GRAMD2B: variants seen among roughly 807,000 people sequenced by gnomAD.
The protein encoded by GRAMD2B is GRAM domain-containing protein 2B.
Under a neutral mutation model 59.2 loss-of-function variants are expected in GRAMD2B, and 41 were observed. The ratio of observed to expected loss-of-function variants is 0.69; its 90% CI spans 0.54 to 0.90. The LOEUF is 0.90. Ranked by LOEUF, GRAMD2B falls within the 40% of genes least tolerant of loss-of-function variation. The pLI, the probability that GRAMD2B is intolerant of heterozygous loss-of-function variation, is 0.00. For missense variants in GRAMD2B, 424 were observed against 500.5 expected (o/e 0.85, Z 1.46); for synonymous variants, 161 against 182.7 (o/e 0.88, Z 0.96).
At position 126,492,979 on chromosome 5, in the gene GRAMD2B, C is replaced by T. The variant is rs202073713; in HGVS notation, c.*23C>T. The T allele has an allele frequency of 9.4e-5, 150 of 1,600,720 alleles. No homozygotes were observed. The highest frequency in any genetic ancestry group is 1.7e-4 in the Middle Eastern group (1 of 6,028). ...TGATCGACCAGATTGCTTGGGCCAT[C>T]GGAATACCTCATGTTTCCCTTTGAA... is the stretch of plus-strand genomic sequence containing the variant. On this transcript the variant is annotated 3_prime_UTR_variant, in exon 14 of 14. Coordinates refer to ENST00000285689, the MANE Select transcript of GRAMD2B (RefSeq NM_023927.4).
intron 13 of GRAMD2B, among the ~76,000 whole-genome samples, chr5:126,490,996 C>G (rs1773823384): frequency 6.6e-6 from 1 of 152,200 alleles, no homozygotes; most frequent in Non-Finnish European, 1.5e-5. Flanking sequence ...CCATCCTAGT[C>G]CATTCAGCCT....
At chr5:126,412,712 G>T (rs1384760510) in intron 1 of GRAMD2B, among the ~76,000 whole-genome samples, 1 of 152,040 alleles carries the variant, frequency 6.6e-6, no homozygotes, top group Non-Finnish European at 1.5e-5. Context: ...ATTTCTGGTA[G>T]AATTTGGCTA....
intron 1 of GRAMD2B, among the ~76,000 whole-genome samples, chr5:126,411,400 G>A (rs944961015): frequency 6.6e-6 from 1 of 151,950 alleles, no homozygotes; most frequent in African/African-American, 2.4e-5. Flanking sequence ...TTTGTCAAAG[G>A]TCAGATGACT....
intron 1 of GRAMD2B, among the ~76,000 whole-genome samples, chr5:126,386,322 T>C (rs1394212091): frequency 1.3e-5 from 2 of 152,240 alleles, no homozygotes; most frequent in African/African-American, 4.8e-5. Flanking sequence ...AAATCAGTCA[T>C]TGATATGAAC....
chr5:126,375,914 T>A (rs1381841130), intron 1 of GRAMD2B, among the ~76,000 whole-genome samples: 1 of 152,220 alleles, frequency 6.6e-6, no homozygotes, highest in African/African-American at 2.4e-5. Context: ...TTTGAAAATC[T>A]TTGACATTGA....
At chr5:126,473,919 G>A (rs1770089675) in intron 5 of GRAMD2B, among the ~76,000 whole-genome samples, 1 of 152,226 alleles carries the variant, frequency 6.6e-6, no homozygotes, top group East Asian at 1.9e-4. Flanking sequence ...TCAATCCCAA[G>A]TGTACTCTGA....
At chr5:126,362,255 T>C (rs191609901) in intron 1 of GRAMD2B, among the ~76,000 whole-genome samples, 2 of 152,328 alleles carry the variant, frequency 1.3e-5, no homozygotes, top group East Asian at 3.9e-4. Context: ...GAATTTGGCC[T>C]GGCCTTGCTA....
At chr5:126,405,584 G>C (rs186232768) in intron 1 of GRAMD2B, among the ~76,000 whole-genome samples, 1 of 151,918 alleles carries the variant, frequency 6.6e-6, no homozygotes, top group East Asian at 1.9e-4. Flanking sequence ...CTCAGTCCTT[G>C]AATTCACCTA....
At chr5:126,395,736 T>G (rs1278550270) in intron 1 of GRAMD2B, among the ~76,000 whole-genome samples, 1 of 152,094 alleles carries the variant, frequency 6.6e-6, no homozygotes, top group Non-Finnish European at 1.5e-5. Context: ...TGCTACTCAG[T>G]TTCCAGAACA....
At chr5:126,477,613 CT>C in intron 5 of GRAMD2B, 78 bp from the exon 6 acceptor site, 1 of 835,438 alleles carries the variant, frequency 1.2e-6, no homozygotes, top group Non-Finnish European at 2.0e-6. Context: ...CCTTTTTTTT[CT>C]TTTTTCCTTA....
intron 4 of GRAMD2B, among the ~76,000 whole-genome samples, chr5:126,472,539 C>G (rs2126836673): frequency 6.6e-6 from 1 of 152,260 alleles, no homozygotes; most frequent in East Asian, 1.9e-4. Context: ...CAAGATGGTT[C>G]CGTGATGCCC....
chr5:126,454,153 G>A (rs1223045975), intron 1 of GRAMD2B, among the ~76,000 whole-genome samples: 1 of 152,198 alleles, frequency 6.6e-6, no homozygotes, highest in Non-Finnish European at 1.5e-5. Flanking sequence ...GGCTGGAACA[G>A]AGAATTCCTT....
At chr5:126,486,097 A>G (rs571342086) in intron 11 of GRAMD2B, among the ~76,000 whole-genome samples, 1 of 152,230 alleles carries the variant, frequency 6.6e-6, no homozygotes, top group East Asian at 1.9e-4. Context: ...CATTGTAGGT[A>G]TTTATGGACT....
chr5:126,486,751 T>G, intron 11 of GRAMD2B, 122 bp from the exon 12 acceptor site: 1 of 622,870 alleles, frequency 1.6e-6, no homozygotes, highest in Non-Finnish European at 2.9e-6. Flanking sequence ...TTTAAAATCT[T>G]TTTACCAAGT....
intron 1 of GRAMD2B, among the ~76,000 whole-genome samples, chr5:126,439,682 T>C (rs1301502224): frequency 6.6e-6 from 1 of 152,130 alleles, no homozygotes; most frequent in Non-Finnish European, 1.5e-5. Context: ...ATAGTAGTAC[T>C]TAGTAAGTTG....
intron 1 of GRAMD2B, among the ~76,000 whole-genome samples, chr5:126,428,778 T>C (rs1443369976): frequency 1.3e-5 from 2 of 152,168 alleles, no homozygotes; most frequent in Non-Finnish European, 2.9e-5. Context: ...CCAACAATCA[T>C]GAAAAAAAGC....
intron 1 of GRAMD2B, among the ~76,000 whole-genome samples, chr5:126,401,007 A>G (rs1211634435): frequency 2.6e-5 from 4 of 152,064 alleles, no homozygotes; most frequent in African/African-American, 9.7e-5. Flanking sequence ...TTTTCAGCCA[A>G]TTTTTTAAAA....
intron 1 of GRAMD2B, among the ~76,000 whole-genome samples, chr5:126,386,151 A>G (rs1415293909): frequency 6.6e-6 from 1 of 152,224 alleles, no homozygotes; most frequent in Non-Finnish European, 1.5e-5. Flanking sequence ...GTTGACGTAG[A>G]TGCTGATTTA....
chr5:126,390,525 G>C lies in GRAMD2B; in HGVS notation c.125+18958G>C, dbSNP rs186834702. Reference sequence around the variant, plus strand: ...CTAGGATTCTTCTTTAGACCCCAAAGAGGAATATCATTGTTTATTGCTGAA... The same window carrying C: ...CTAGGATTCTTCTTTAGACCCCAAACAGGAATATCATTGTTTATTGCTGAA... On this transcript the variant is annotated intron_variant, in intron 1 of 8. Transcript: ENST00000506445. Among the ~76,000 whole-genome samples, 257 of 152,342 alleles carry C rather than the reference G, an allele frequency of 1.7e-3. 1 individual carries two copies. Among genetic ancestry groups the C allele is most frequent in the Non-Finnish European group, 2.9e-3 (196 of 68,032 alleles).
Sources: gnomAD v4.1 joint callset for allele counts (sites outside exome capture counted in the v4.1 genomes callset) on GRCh38, gnomAD v4.1.1 for gene constraint, MANE v1.5 for transcripts, NCBI Gene and HGNC (gene_info 2026-07-23, HGNC 2026-07-21) for gene names.